Variants in TCERG1L observed in about 807,000 individuals in gnomAD.
TCERG1L encodes the protein transcription elongation regulator 1 like.
TCERG1L carries 37 observed loss-of-function variants against 56.3 expected under a neutral mutation model. The ratio of observed to expected loss-of-function variants is 0.66; its 90% CI spans 0.51 to 0.87. The LOEUF is 0.87. TCERG1L is among the 40% of genes least tolerant of loss of function. TCERG1L has a pLI of 0.00. For synonymous variants in TCERG1L, 324 were observed against 326.3 expected, an observed-to-expected ratio of 0.99 and a Z score of 0.08; for missense variants, 799 against 774.2, an observed-to-expected ratio of 1.03 and a Z score of -0.38.
intron 9 of TCERG1L, among the ~76,000 whole-genome samples, 186 bp downstream of exon 9, chr10:131,116,613 C>A (rs181861914): frequency 6.6e-6 from 1 of 152,284 alleles, no homozygotes; most frequent in East Asian, 1.9e-4. Flanking sequence ...TCCCTCAGGC[C>A]CTGGGATGGC....
chr10:131,144,780 A>G (rs1411756775), intron 7 of TCERG1L, among the ~76,000 whole-genome samples: 1 of 152,204 alleles, frequency 6.6e-6, no homozygotes, highest in South Asian at 2.1e-4. Flanking sequence ...TTCTGGTTGT[A>G]AAACCTTAAC....
intron 4 of TCERG1L, among the ~76,000 whole-genome samples, chr10:131,179,730 TA>T (rs34868111): frequency 6.6e-6 from 1 of 152,148 alleles, no homozygotes; most frequent in Non-Finnish European, 1.5e-5. Context: ...GCTTTAAACT[TA>T]AACTACACTT....
Position 131,172,898 on chromosome 10 carries a change from T to C in TCERG1L, c.857-6013A>G, listed in dbSNP as rs1229948139. Among the ~76,000 whole-genome samples, 5 of 151,690 alleles carry C rather than the reference T, an allele frequency of 3.3e-5. No individual in the cohort carries two copies. In the East Asian group the frequency reaches 9.6e-4, roughly 29 times the overall value. ...AGAGAATAATCAATGATTTTTTTTT[T>C]TTTTTTTTGAGATGGAGTTTTGCTC... On this transcript the variant is annotated intron_variant, in intron 4 of 11. Coordinates refer to ENST00000368642, the MANE Select transcript of TCERG1L (RefSeq NM_174937.4).
intron 4 of TCERG1L, among the ~76,000 whole-genome samples, chr10:131,198,098 G>GCATGT (rs1181240608): frequency 1.3e-5 from 2 of 152,202 alleles, no homozygotes; most frequent in Non-Finnish European, 2.9e-5. Context: ...CTCACCTGTG[G>GCATGT]CGACATGCCC....
In TCERG1L at chr10:131,260,511, T is replaced by C; in HGVS notation, c.671-67A>G. The stretch of plus-strand genomic sequence containing the variant: ...GGGCCATGGGTGACAGATGCCCATC[T>C]CGCTACCGCAAGATATCAGCCCCCA... On this transcript the variant is annotated intron_variant, in intron 3 of 11. Transcript: ENST00000368642. The surrounding 1 kb of genome is among the most constrained non-coding windows in gnomAD (Gnocchi z 5.8). 7.6e-7 allele frequency: 1 copy of C among 1,317,598 alleles called. No individual in the cohort carries two copies. The highest frequency in any genetic ancestry group is 9.7e-7 in the Non-Finnish European group (1 of 1,030,482). 81.6% of individuals were successfully genotyped at this position (1,317,598 alleles called of 1,614,324 possible).
chr10:131,219,518 C>T (rs943960907), intron 4 of TCERG1L, among the ~76,000 whole-genome samples: 3 of 152,176 alleles, frequency 2.0e-5, no homozygotes, highest in African/African-American at 7.2e-5. Context: ...TACATACTTG[C>T]AGGAGGGCTG....
At chr10:131,239,931 C>T (rs560169740) in intron 4 of TCERG1L, among the ~76,000 whole-genome samples, 14 of 152,290 alleles carry the variant, frequency 9.2e-5, no homozygotes, top group Non-Finnish European at 1.6e-4. Context: ...CAGAGGAGAG[C>T]GGTCCTTCTG....
chr10:131,251,430 G>A (rs932260728), intron 4 of TCERG1L, among the ~76,000 whole-genome samples: 9 of 151,906 alleles, frequency 5.9e-5, no homozygotes. Context: ...CCTGCTCTCT[G>A]CAGACCCCAC....
chr10:131,285,325 C>G (rs557434270), intron 3 of TCERG1L, among the ~76,000 whole-genome samples: 335 of 148,046 alleles, frequency 2.3e-3, no homozygotes, highest in Non-Finnish European at 3.9e-3. Context: ...TTGCAGTGAC[C>G]TAAGATTGCC....
At chr10:131,282,718 T>C (rs978121059) in intron 3 of TCERG1L, among the ~76,000 whole-genome samples, 3 of 152,224 alleles carry the variant, frequency 2.0e-5, no homozygotes, top group Non-Finnish European at 2.9e-5. Context: ...TTGATCGATA[T>C]TTATCAAGCC....
At position 131,201,259 on chromosome 10, in the gene TCERG1L, C is replaced by G. The variant is rs78141728; in HGVS notation, c.857-34374G>C. Among the ~76,000 whole-genome samples the G allele has an allele frequency of 5.4e-3, 816 of 152,304 alleles. 4 individuals are homozygous for G. Among genetic ancestry groups the G allele is most frequent in the African/African-American group, 0.018 (752 of 41,576 alleles). ...ACTAAACTCAAACTAAATGAAGCACCTCCCTTCCCCCAGCTGGGTCCTGCC... is the reference window on the plus strand; with the variant it reads ...ACTAAACTCAAACTAAATGAAGCACGTCCCTTCCCCCAGCTGGGTCCTGCC... On this transcript the variant is annotated intron_variant, in intron 4 of 11. Coordinates refer to ENST00000368642, the MANE Select transcript of TCERG1L (RefSeq NM_174937.4).
intron 4 of TCERG1L, among the ~76,000 whole-genome samples, chr10:131,182,718 G>A (rs966957865): frequency 6.6e-6 from 1 of 152,032 alleles, no homozygotes; most frequent in Non-Finnish European, 1.5e-5. Flanking sequence ...CTGACTTTTT[G>A]CAGACTAATC....
intron 3 of TCERG1L, among the ~76,000 whole-genome samples, chr10:131,273,612 C>T (rs898439566): frequency 1.3e-5 from 2 of 152,306 alleles, no homozygotes; most frequent in South Asian, 2.1e-4. Context: ...CTGGGCTGAC[C>T]GAGGCTCCCT....
intron 4 of TCERG1L, among the ~76,000 whole-genome samples, chr10:131,243,241 A>G (rs1021017296): frequency 6.6e-6 from 1 of 151,966 alleles, no homozygotes; most frequent in African/African-American, 2.4e-5. Context: ...ATGGACCTGC[A>G]CTGGCCAGTG....
At chr10:131,224,471 C>T (rs527833286) in intron 4 of TCERG1L, among the ~76,000 whole-genome samples, 12 of 152,286 alleles carry the variant, frequency 7.9e-5, no homozygotes, top group African/African-American at 2.6e-4. Context: ...GCTCTAGGAC[C>T]CAGGGAGTCA....
chr10:131,289,144 A>ATT (rs11422729), intron 3 of TCERG1L, among the ~76,000 whole-genome samples: 1,637 of 148,452 alleles, frequency 0.011, 24 homozygotes, highest in African/African-American at 0.033. Context: ...AAAAGTCTTG[A>ATT]TTTTTTTTTT....
chr10:131,186,024 C>T (rs184430316), intron 4 of TCERG1L, among the ~76,000 whole-genome samples: 4 of 152,162 alleles, frequency 2.6e-5, no homozygotes, highest in Non-Finnish European at 4.4e-5. Flanking sequence ...CATTATCTTG[C>T]GATGAAAGGG....
chr10:131,194,362 C>T (rs895255311), intron 4 of TCERG1L, among the ~76,000 whole-genome samples: 7 of 152,174 alleles, frequency 4.6e-5, no homozygotes, highest in Admixed American at 1.3e-4. Flanking sequence ...AAAAAGGCAC[C>T]CGAATTCCTC....
chr10:131,240,570 G>T (rs1005506705), intron 4 of TCERG1L, among the ~76,000 whole-genome samples: 2 of 152,166 alleles, frequency 1.3e-5, no homozygotes, highest in Non-Finnish European at 2.9e-5. Context: ...CGTCTGTCCC[G>T]AAGGCCAGGC....
Sources: allele counts gnomAD v4.1 joint callset (sites outside exome capture counted in the v4.1 genomes callset), GRCh38; gene constraint gnomAD v4.1.1; non-coding constraint Gnocchi (gnomAD v3.1); transcripts MANE v1.5; gene names NCBI Gene and HGNC (gene_info 2026-07-23, HGNC 2026-07-21).